Variants in ACACA observed in about 807,000 individuals in gnomAD.
ACACA encodes acetyl-CoA carboxylase alpha, also known as acetyl-CoA carboxylase 1.
A neutral mutation model predicts 296.1 loss-of-function variants in ACACA; 103 were observed. The observed-to-expected ratio is 0.35, with a 90% confidence interval of 0.30 to 0.41. The LOEUF (loss-of-function observed/expected upper bound fraction) is 0.41, where lower values mean the gene tolerates loss of function less well. Among genes scored for constraint, ACACA ranks in the 10% least tolerant of loss-of-function variants. The probability of loss-of-function intolerance (pLI) is 1.00; values close to 1 mark genes in which losing one functional copy is unlikely to be tolerated. For synonymous variants in ACACA, 953 were observed against 1,038.6 expected, an observed-to-expected ratio of 0.92 and a Z score of 1.58; for missense variants, 1,554 against 2,989.7, an observed-to-expected ratio of 0.52 and a Z score of 11.20.
chr17:37,165,352 T>C (rs1389312826), intron 41 of ACACA, among the ~76,000 whole-genome samples: 1 of 152,100 alleles, frequency 6.6e-6, no homozygotes, highest in Non-Finnish European at 1.5e-5. Flanking sequence ...CAAACTTAGA[T>C]CCAAATCCAG....
At chr17:37,340,295 T>C (rs1226578024) in intron 1 of ACACA, among the ~76,000 whole-genome samples, 2 of 152,222 alleles carry the variant, frequency 1.3e-5, no homozygotes, top group East Asian at 3.8e-4. Flanking sequence ...GTGCCCATTA[T>C]ACTAAGTCCC....
chr17:37,342,178 A>G (rs1448407184), intron 1 of ACACA, among the ~76,000 whole-genome samples: 1 of 151,606 alleles, frequency 6.6e-6, no homozygotes, highest in Admixed American at 6.6e-5. Flanking sequence ...GGAGATGAAG[A>G]CGGGCAGATC....
chr17:37,306,690 AATTT>A (rs1371888761), intron 3 of ACACA, among the ~76,000 whole-genome samples: 4 of 151,752 alleles, frequency 2.6e-5, no homozygotes, highest in East Asian at 1.9e-4. Context: ...TATGTGTATA[AATTT>A]ATTATTATTT....
intron 11 of ACACA, among the ~76,000 whole-genome samples, chr17:37,262,126 A>C (rs2081541988): frequency 6.6e-6 from 1 of 152,212 alleles, no homozygotes; most frequent in Non-Finnish European, 1.5e-5. Context: ...ATAGGTAGCC[A>C]GAGGAACAGA....
chr17:37,402,917 C>T (rs979292942), intron 1 of ACACA, among the ~76,000 whole-genome samples: 1 of 152,190 alleles, frequency 6.6e-6, no homozygotes, highest in Non-Finnish European at 1.5e-5. Flanking sequence ...CGTGATCCGC[C>T]CGCCTCAGCC....
intron 5 of ACACA, among the ~76,000 whole-genome samples, chr17:37,280,135 A>G (rs943388564): frequency 6.6e-6 from 1 of 152,034 alleles, no homozygotes; most frequent in Non-Finnish European, 1.5e-5. Flanking sequence ...AGGTATTATC[A>G]ATGTCTTCAA....
intron 45 of ACACA, among the ~76,000 whole-genome samples, chr17:37,132,721 G>C (rs2075159577): frequency 6.6e-6 from 1 of 152,100 alleles, no homozygotes; most frequent in Non-Finnish European, 1.5e-5. Flanking sequence ...CAACCACTTA[G>C]AATCTTACAC....
At chr17:37,088,769 TG>T (rs2072399154) in intron 55 of ACACA, among the ~76,000 whole-genome samples, 168 bp downstream of exon 55, 1 of 152,174 alleles carries the variant, frequency 6.6e-6, no homozygotes, top group South Asian at 2.1e-4. Context: ...GAAAAAGAAT[TG>T]GGCTTCAGGC....
intron 1 of ACACA, among the ~76,000 whole-genome samples, chr17:37,376,882 G>C (rs9901992): frequency 0.027 from 4,143 of 152,198 alleles, 119 homozygotes; most frequent in East Asian, 0.062. Flanking sequence ...TTAAACCTGG[G>C]AGGTGAGGTT....
chr17:37,382,721 A>G (rs982621305), intron 1 of ACACA, among the ~76,000 whole-genome samples: 1 of 152,086 alleles, frequency 6.6e-6, no homozygotes, highest in African/African-American at 2.4e-5. Flanking sequence ...TTAGCTGGGC[A>G]TGGTGGCGTG....
In ACACA at chr17:37,354,538, A is replaced by C. The variant is rs56204315; in HGVS notation, c.39-14688T>G. On this transcript the variant is annotated intron_variant, in intron 1 of 55. Coordinates refer to ENST00000616317, the MANE Select transcript of ACACA (RefSeq NM_198834.3). ...ACAGTGTAAGTGCAACATCCTTATG[A>C]CACTATTTGTCATAGTTTCTTACCT... 9.1e-4 allele frequency among the ~76,000 whole-genome samples: 139 copies of C among 152,340 alleles called. 1 individual carries two copies. Among genetic ancestry groups the C allele is most frequent in the African/African-American group, 3.3e-3 (137 of 41,576 alleles).
At chr17:37,316,934 G>A (rs2047121746) in intron 3 of ACACA, among the ~76,000 whole-genome samples, 2 of 152,068 alleles carry the variant, frequency 1.3e-5, no homozygotes, top group Non-Finnish European at 2.9e-5. Flanking sequence ...TTAGCTGGGT[G>A]TGGTGGTGTA....
At chr17:37,280,137 T>C (rs2082446290) in intron 5 of ACACA, among the ~76,000 whole-genome samples, 1 of 152,158 alleles carries the variant, frequency 6.6e-6, no homozygotes, top group South Asian at 2.1e-4. Context: ...GTATTATCAA[T>C]GTCTTCAATT....
chr17:37,278,037 A>T, intron 5 of ACACA, 32 bp from the exon 6 acceptor site: 1 of 1,539,478 alleles, frequency 6.5e-7, no homozygotes, highest in Non-Finnish European at 9.0e-7. Context: ...TAGAGAACAC[A>T]TGATTTTTTT....
intron 41 of ACACA, among the ~76,000 whole-genome samples, chr17:37,170,857 T>C (rs2076856922): frequency 6.6e-6 from 1 of 152,230 alleles, no homozygotes; most frequent in Admixed American, 6.5e-5. Context: ...AAGCTGCTGT[T>C]GTTACTACAA....
rs543619103 is a variant in ACACA at position 37,097,963 on chromosome 17, G to T, written c.6587C>A (p.Ala2196Asp). The change falls in exon 53 of 56, where the codon GCT becomes GAT. Residue 2196 changes from alanine (A) to aspartate (D), a missense_variant. Physicochemically the swap from Ala to Asp is moderately radical, Grantham distance 126. Transcript: ENST00000616317. This position sits in a 1 kb window ranked among gnomAD's most constrained non-coding sequence, Gnocchi z 4.8. ...ERLGTPELST[A>D]ERKELENKLK... ...CTTGTTCTCCAACTCCTTCCGCTCA[G>T]CTGTGCTTAGCTCTGGGGTCCCTGC... The T allele has an allele frequency of 1.9e-6, 3 of 1,614,160 alleles. No individual in the cohort carries two copies. In the South Asian group the frequency reaches 3.3e-5, roughly 18 times the overall value.
In ACACA at chr17:37,245,098, G is replaced by A. The variant is rs767464451; in HGVS notation, c.2577C>T (p.Asn859=). The A allele has an allele frequency of 7.4e-5, 119 of 1,614,072 alleles. No individual in the cohort carries two copies. The highest frequency in any genetic ancestry group is 1.6e-4 in the Middle Eastern group (1 of 6,084). The stretch of plus-strand genomic sequence containing the variant: ...TACTCACCTGCTGAACCTTGCTGGG[G>A]TTGTCCAGTTGCATTTTGGCTAGTA... The part of the protein sequence containing the change: ...GCVLAKMQLD[N]PSKVQQAELH... The change falls in exon 20 of 56, where the codon AAC becomes AAT. Residue 859 remains asparagine, a synonymous_variant. Coordinates refer to ENST00000616317, the MANE Select transcript of ACACA (RefSeq NM_198834.3).
intron 43 of ACACA, 102 bp from the exon 44 acceptor site, chr17:37,151,523 G>T: frequency 1.4e-6 from 2 of 1,416,214 alleles, no homozygotes; most frequent in Admixed American, 1.8e-5. Flanking sequence ...TGTATTGAAA[G>T]CTTATATTTA....
intron 43 of ACACA, among the ~76,000 whole-genome samples, chr17:37,151,802 C>T (rs192056608): frequency 2.6e-5 from 4 of 152,298 alleles, no homozygotes; most frequent in Admixed American, 6.5e-5. Flanking sequence ...GCTGGGACTA[C>T]AGGCGCCCGC....
Sources: allele counts gnomAD v4.1 joint callset (sites outside exome capture counted in the v4.1 genomes callset), GRCh38; gene constraint gnomAD v4.1.1; non-coding constraint Gnocchi (gnomAD v3.1); transcripts MANE v1.5; gene names NCBI Gene and HGNC (gene_info 2026-07-23, HGNC 2026-07-21).